The following HDAC9 variants were observed in gnomAD, a reference collection of about 807,000 sequenced individuals.
HDAC9 encodes the protein histone deacetylase 9.
HDAC9 carries 41 observed loss-of-function variants against 139.4 expected under a neutral mutation model. The observed-to-expected ratio is 0.29, with a 90% CI of 0.23 to 0.38. The LOEUF (loss-of-function observed/expected upper bound fraction) is 0.38. Ranked by LOEUF, HDAC9 falls within the 10% of genes least tolerant of loss-of-function variation. The probability of loss-of-function intolerance (pLI) is 1.00; values close to 1 mark genes in which losing one functional copy is unlikely to be tolerated. For missense variants in HDAC9, 1,147 were observed against 1,297.0 expected (o/e 0.88, Z 1.78); for synonymous variants, 517 against 476.2 (o/e 1.09, Z -1.12).
chr7:18,426,004 C>G lies in HDAC9; in HGVS notation c.-41-70258C>G, dbSNP rs565579994. ...GGACATGACTGAGTAGTTGCAGGCT[C>G]TCAGTGGGGAATAGACTCTTCATAA... is the stretch of plus-strand genomic sequence containing the variant. On this transcript the variant is annotated intron_variant, in intron 1 of 3. Coordinates refer to the HDAC9 transcript ENST00000413509. 2.0e-5 allele frequency among the ~76,000 whole-genome samples: 3 copies of G among 152,288 alleles called. No individual in the cohort carries two copies. In the South Asian group the frequency reaches 6.2e-4, roughly 32 times the overall value.
chr7:18,417,891 AG>A (rs1440016308), intron 1 of HDAC9, among the ~76,000 whole-genome samples: 1 of 152,152 alleles, frequency 6.6e-6, no homozygotes, highest in African/African-American at 2.4e-5. Flanking sequence ...GTGCCTGTTC[AG>A]CCCTCTTGTC....
intron 21 of HDAC9, among the ~76,000 whole-genome samples, chr7:18,858,842 T>G (rs1797881473): frequency 6.6e-6 from 1 of 152,178 alleles, no homozygotes; most frequent in Non-Finnish European, 1.5e-5. Flanking sequence ...CATGTCCTGA[T>G]CTCCTGTGAA....
At chr7:18,234,204 G>C (rs936833443) in intron 2 of HDAC9, among the ~76,000 whole-genome samples, 1 of 152,188 alleles carries the variant, frequency 6.6e-6, no homozygotes, top group Non-Finnish European at 1.5e-5. Context: ...GCCTGTGCTG[G>C]GAAAAGTAGG....
intron 2 of HDAC9, among the ~76,000 whole-genome samples, chr7:18,198,139 C>A (rs1187820567): frequency 6.6e-6 from 1 of 152,004 alleles, no homozygotes; most frequent in Non-Finnish European, 1.5e-5. Flanking sequence ...TAATATCAAT[C>A]AAAATACTGT....
chr7:18,617,476 G>T (rs948723266), intron 6 of HDAC9, among the ~76,000 whole-genome samples: 5 of 152,060 alleles, frequency 3.3e-5, no homozygotes, highest in Non-Finnish European at 7.3e-5. Context: ...GATGCTCCTT[G>T]CTCTTAAAGT....
chr7:18,435,781 A>T (rs1791138102), intron 1 of HDAC9, among the ~76,000 whole-genome samples: 1 of 151,754 alleles, frequency 6.6e-6, no homozygotes, highest in Admixed American at 6.6e-5. Flanking sequence ...AGATTAAACT[A>T]GAATATATCT....
chr7:18,876,922 G>A (rs1326679278), intron 22 of HDAC9, among the ~76,000 whole-genome samples: 5 of 151,908 alleles, frequency 3.3e-5, no homozygotes, highest in African/African-American at 4.8e-5. Flanking sequence ...GGCTGGTCTC[G>A]AACTCCTGAC....
chr7:18,901,557 C>T (rs1344584161), intron 22 of HDAC9, among the ~76,000 whole-genome samples: 1 of 151,998 alleles, frequency 6.6e-6, no homozygotes, highest in African/African-American at 2.4e-5. Context: ...GGATCCCACC[C>T]CCAACAAATG....
intron 13 of HDAC9, among the ~76,000 whole-genome samples, chr7:18,728,402 A>AACACACAC (rs56281287): frequency 2.9e-4 from 42 of 145,654 alleles, no homozygotes; most frequent in Non-Finnish European, 5.0e-4. Context: ...TTAAGTGTGG[A>AACACACAC]ACACACACAC....
chr7:18,172,546 G>A (rs975360814), intron 2 of HDAC9, among the ~76,000 whole-genome samples: 4 of 152,174 alleles, frequency 2.6e-5, no homozygotes, highest in Non-Finnish European at 5.9e-5. Flanking sequence ...TGATGTTACG[G>A]TGTTGATTTT....
chr7:18,512,675 C>A (rs1217759686), intron 2 of HDAC9, among the ~76,000 whole-genome samples: 2 of 152,202 alleles, frequency 1.3e-5, no homozygotes, highest in Non-Finnish European at 2.9e-5. Context: ...CTCAACTCTA[C>A]TAACCATTCG....
intron 13 of HDAC9, among the ~76,000 whole-genome samples, chr7:18,746,319 A>G (rs1465481537): frequency 6.6e-6 from 1 of 152,242 alleles, no homozygotes; most frequent in Non-Finnish European, 1.5e-5. Flanking sequence ...TGATATATTT[A>G]AATTGTGAAG....
intron 2 of HDAC9, among the ~76,000 whole-genome samples, chr7:18,551,532 A>T (rs1237405540): frequency 1.3e-5 from 2 of 152,208 alleles, no homozygotes; most frequent in African/African-American, 4.8e-5. Flanking sequence ...AGAAACCCTG[A>T]CAATGTGTGT....
At chr7:18,757,081 GA>G (rs1235163011) in intron 14 of HDAC9, among the ~76,000 whole-genome samples, 1 of 151,820 alleles carries the variant, frequency 6.6e-6, no homozygotes, top group Non-Finnish European at 1.5e-5. Context: ...TTTTTTTTAA[GA>G]AAGACAGATA....
At chr7:18,762,310 C>T in intron 15 of HDAC9, 33 bp downstream of exon 15, 3 of 1,606,448 alleles carry the variant, frequency 1.9e-6, no homozygotes, top group Non-Finnish European at 2.6e-6. Flanking sequence ...CTGGGAACAG[C>T]ACATTCCAGC....
intron 22 of HDAC9, among the ~76,000 whole-genome samples, chr7:18,927,718 G>A (rs137936624): frequency 1.7e-4 from 26 of 152,176 alleles, no homozygotes; most frequent in Non-Finnish European, 3.2e-4. Context: ...TAAATTGGTA[G>A]TGAGACTTTT....
chr7:18,575,873 G>A (rs1825809681), intron 2 of HDAC9, among the ~76,000 whole-genome samples: 1 of 151,996 alleles, frequency 6.6e-6, no homozygotes. Context: ...CATGCACTGA[G>A]GCCTTACTAT....
At chr7:18,737,144 G>T (rs2129138972) in intron 13 of HDAC9, among the ~76,000 whole-genome samples, 1 of 151,952 alleles carries the variant, frequency 6.6e-6, no homozygotes, top group Non-Finnish European at 1.5e-5. Context: ...TATTGGTCTT[G>T]CTAGCAGTCT....
chr7:18,813,944 C>G (rs989464227), intron 17 of HDAC9, among the ~76,000 whole-genome samples: 2 of 152,194 alleles, frequency 1.3e-5, no homozygotes, highest in Non-Finnish European at 2.9e-5. Context: ...GTCCCTCCGT[C>G]TGCATTTCTG....
Sources: allele counts gnomAD v4.1 joint callset (sites outside exome capture counted in the v4.1 genomes callset), GRCh38; gene constraint gnomAD v4.1.1; transcripts MANE v1.5; gene names NCBI Gene and HGNC (gene_info 2026-07-23, HGNC 2026-07-21).